PROCR: variants seen among roughly 807,000 people sequenced by gnomAD.
PROCR encodes endothelial protein C receptor.
Under a neutral mutation model 24.2 loss-of-function variants are expected in PROCR, and 22 were observed. The ratio of observed to expected loss-of-function variants is 0.91; its 90% confidence interval spans 0.65 to 1.30. PROCR has a LOEUF of 1.30. Among genes scored for constraint, PROCR ranks in the 50% most tolerant of loss-of-function variants. The probability of loss-of-function intolerance (pLI) is 0.00; values close to 1 mark genes in which losing one functional copy is unlikely to be tolerated. For missense variants in PROCR, 288 were observed against 307.7 expected, an observed-to-expected ratio of 0.94 and a Z score of 0.48; for synonymous variants, 137 against 139.2, an observed-to-expected ratio of 0.98 and a Z score of 0.11.
intron 1 of PROCR, among the ~76,000 whole-genome samples, chr20:35,199,911 T>G (rs1341628873): frequency 6.6e-6 from 1 of 152,104 alleles, no homozygotes; most frequent in Non-Finnish European, 1.5e-5. Context: ...ATATCAACAT[T>G]AACAGAAATT....
downstream of PROCR, among the ~76,000 whole-genome samples, chr20:35,180,853 TTTTTGTTTTTTGTTTTG>T (rs1011648012): frequency 7.9e-6 from 1 of 126,594 alleles, no homozygotes; most frequent in Non-Finnish European, 1.8e-5. Flanking sequence ...TGTTGTTTGT[TTTTTGTTTTTTGTTTTG>T]TTTTGTTTTG....
chr20:35,175,103 G>T, intron 2 of PROCR, 150 bp downstream of exon 2: 11 of 978,046 alleles, frequency 1.1e-5, no homozygotes, highest in Non-Finnish European at 1.6e-5. Flanking sequence ...GGCCTTTGAA[G>T]ATTGCTGGGT....
chr20:35,173,685 C>A (rs919393420), intron 1 of PROCR, among the ~76,000 whole-genome samples: 1 of 152,016 alleles, frequency 6.6e-6, no homozygotes, highest in Admixed American at 6.6e-5. Context: ...CCGCCTCGGC[C>A]TCCCAAAGTA....
intron 1 of PROCR, among the ~76,000 whole-genome samples, chr20:35,205,778 T>TACAC (rs374177415): frequency 2.9e-5 from 4 of 135,834 alleles, no homozygotes; most frequent in African/African-American, 5.8e-5. Context: ...TATATATATA[T>TACAC]ATATATATAT....
intron 1 of PROCR, among the ~76,000 whole-genome samples, chr20:35,205,781 A>ATATATATATATATATATGTATG (rs2060338097): frequency 7.3e-6 from 1 of 136,510 alleles, no homozygotes; most frequent in African/African-American, 2.9e-5. Flanking sequence ...ATATATATAT[A>ATATATATATATATATATGTATG]TATATATGTA....
At chr20:35,179,713 T>G (rs1321496046), downstream of PROCR, among the ~76,000 whole-genome samples, 2 of 152,194 alleles carry the variant, frequency 1.3e-5, no homozygotes, top group African/African-American at 4.8e-5. Context: ...CTGCTCTCTC[T>G]ACTTCTGATG....
At chr20:35,205,206 G>A (rs555182101) in intron 1 of PROCR, among the ~76,000 whole-genome samples, 252 of 151,730 alleles carry the variant, frequency 1.7e-3, no homozygotes, top group African/African-American at 5.9e-3. Context: ...CCGGGAGGTG[G>A]AAGTTGCAGT....
chr20:35,209,401 C>A (rs1311455657), intron 1 of PROCR, among the ~76,000 whole-genome samples: 1 of 152,044 alleles, frequency 6.6e-6, no homozygotes, highest in Non-Finnish European at 1.5e-5. Context: ...TCCCACGAGA[C>A]ATTAAGGTAT....
At chr20:35,212,279 G>A (rs2146182887) in intron 1 of PROCR, among the ~76,000 whole-genome samples, 1 of 152,292 alleles carries the variant, frequency 6.6e-6, no homozygotes, top group Non-Finnish European at 1.5e-5. Flanking sequence ...GGCAGCCAGT[G>A]TCCAAGTGAC....
At chr20:35,216,015 T>A (rs1487186269) in exon 2 of PROCR, 1 of 274,196 alleles carries the variant, frequency 3.6e-6, no homozygotes, top group Non-Finnish European at 5.6e-6. Flanking sequence ...ATGACCAACA[T>A]GGAAAAACCC....
intron 1 of PROCR, among the ~76,000 whole-genome samples, chr20:35,191,842 C>T (rs757725400): frequency 2.0e-5 from 3 of 152,104 alleles, no homozygotes; most frequent in Non-Finnish European, 4.4e-5. Flanking sequence ...TGGAGGCTTT[C>T]GAGAAGAGGA....
chr20:35,183,139 T>C (rs2086093762), intron 1 of PROCR, among the ~76,000 whole-genome samples: 1 of 152,214 alleles, frequency 6.6e-6, no homozygotes, highest in African/African-American at 2.4e-5. Context: ...GATATAATCA[T>C]TTTAGATTAG....
intron 1 of PROCR, among the ~76,000 whole-genome samples, chr20:35,203,868 A>C (rs1413178209): frequency 6.6e-6 from 1 of 152,046 alleles, no homozygotes; most frequent in Non-Finnish European, 1.5e-5. Context: ...CTAAGCTTCT[A>C]CCTTAAGAAA....
At chr20:35,206,497 A>AAAT (rs2060343448) in intron 1 of PROCR, among the ~76,000 whole-genome samples, 1 of 140,260 alleles carries the variant, frequency 7.1e-6, no homozygotes, top group Non-Finnish European at 1.5e-5. Flanking sequence ...AAAAAAAAAA[A>AAAT]CTCTCAAAAC....
chr20:35,179,232 CAAAAAA>C (rs61421342), downstream of PROCR, among the ~76,000 whole-genome samples: 2 of 76,634 alleles, frequency 2.6e-5, no homozygotes, highest in African/African-American at 1.0e-4. Context: ...GACTCCATCT[CAAAAAA>C]AAAAAAAAAA....
chr20:35,177,295 C>T lies in PROCR; in HGVS notation c.*482C>T, dbSNP rs1264626529. 1 of 1,002,162 alleles carries T rather than the reference C, an allele frequency of 1.0e-6. No homozygotes were observed. Among genetic ancestry groups the T allele is most frequent in the African/African-American group, 1.7e-5 (1 of 57,620 alleles). The allele number at this position is 1,002,162 out of a possible 1,614,324, so 62.1% of individuals were successfully genotyped here. ...GAAGAAGTGGTGGAAATGTAAAATCCAAGTCATATGGCAGTGATCAATTAT... is the reference window on the plus strand; with the variant it reads ...GAAGAAGTGGTGGAAATGTAAAATCTAAGTCATATGGCAGTGATCAATTAT... On this transcript the variant is annotated 3_prime_UTR_variant, in exon 4 of 4. Transcript: ENST00000216968.
intron 1 of PROCR, among the ~76,000 whole-genome samples, chr20:35,183,534 A>G (rs2086097170): frequency 6.6e-6 from 1 of 152,228 alleles, no homozygotes; most frequent in South Asian, 2.1e-4. Context: ...TGAGTCAAAA[A>G]TAAACCTCTT....
chr20:35,191,299 A>G (rs1237028825), intron 1 of PROCR, among the ~76,000 whole-genome samples: 1 of 152,174 alleles, frequency 6.6e-6, no homozygotes, highest in African/African-American at 2.4e-5. Flanking sequence ...AAATTTATTG[A>G]GTCGGGTCAC....
chr20:35,203,103 C>G (rs2060324853), intron 1 of PROCR: 1 of 152,160 alleles, frequency 6.6e-6, no homozygotes, highest in African/African-American at 2.4e-5. Context: ...ATGGTGAAAC[C>G]CCATCTCCAC....
Sources: allele counts gnomAD v4.1 joint callset (sites outside exome capture counted in the v4.1 genomes callset), GRCh38; gene constraint gnomAD v4.1.1; transcripts MANE v1.5; gene names NCBI Gene and HGNC (gene_info 2026-07-23, HGNC 2026-07-21).